SEPTIN9: variants seen among roughly 807,000 people sequenced by gnomAD.
SEPTIN9 encodes septin 9.
SEPTIN9 carries 13 observed loss-of-function variants against 56.6 expected under a neutral mutation model. That is an observed-to-expected ratio of 0.23 (90% CI 0.15 to 0.37). SEPTIN9 has a LOEUF of 0.37. Ranked by LOEUF, SEPTIN9 falls within the 10% of genes least tolerant of loss-of-function variation. The pLI, the probability that SEPTIN9 is intolerant of heterozygous loss-of-function variation, is 1.00. For synonymous variants in SEPTIN9, 332 were observed against 334.1 expected (o/e 0.99, Z 0.07); for missense variants, 650 against 823.1 (o/e 0.79, Z 2.57).
At chr17:77,287,394 C>T (rs559698924) in intron 1 of SEPTIN9, among the ~76,000 whole-genome samples, 4 of 152,344 alleles carry the variant, frequency 2.6e-5, no homozygotes, top group East Asian at 1.9e-4. Flanking sequence ...TCTACTGGAG[C>T]GGCCCTGCTG....
chr17:77,381,390 G>T (rs1435970563), intron 2 of SEPTIN9, among the ~76,000 whole-genome samples: 1 of 152,154 alleles, frequency 6.6e-6, no homozygotes, highest in Middle Eastern at 3.2e-3. Flanking sequence ...GTCCAGGCAG[G>T]ATCTCCTTCT....
intron 2 of SEPTIN9, chr17:77,373,723 G>A: frequency 2.3e-6 from 3 of 1,288,726 alleles, no homozygotes; most frequent in Non-Finnish European, 3.0e-6. Context: ...CCGGCCCCGT[G>A]CCCGCGCCGC....
At chr17:77,287,822 AG>A in intron 1 of SEPTIN9, 4 of 949,540 alleles carry the variant, frequency 4.2e-6, no homozygotes, top group Non-Finnish European at 5.1e-6. Flanking sequence ...GACTGTTGGC[AG>A]CCTGAAAACC....
At chr17:77,364,632 C>T (rs1200573619) in intron 2 of SEPTIN9, among the ~76,000 whole-genome samples, 1 of 152,190 alleles carries the variant, frequency 6.6e-6, no homozygotes, top group Non-Finnish European at 1.5e-5. Flanking sequence ...GGGGGCTTGC[C>T]AGCCCACAGT....
chr17:77,427,100 G>C (rs187573558), intron 3 of SEPTIN9: 1 of 152,358 alleles, frequency 6.6e-6, no homozygotes, highest in East Asian at 1.9e-4. Flanking sequence ...CAGAGACAGA[G>C]GTCCCTGTGC....
Position 77,373,668 on chromosome 17 carries a change from G to A in SEPTIN9, c.77-28391G>A. The A allele has an allele frequency of 2.1e-6, 3 of 1,448,294 alleles. No individual in the cohort carries two copies. In the East Asian group the frequency reaches 8.8e-5, roughly 43 times the overall value. The allele number at this position is 1,448,294 out of a possible 1,614,324, so 89.7% of individuals were successfully genotyped here. A position where few individuals can be genotyped will look rare whatever the true frequency, so the allele number is the denominator to read the frequency against. On this transcript the variant is annotated intron_variant, in intron 2 of 11. Transcript: ENST00000427177. ...GACGGGAGTGCGCTGAGGGGAGACG[G>A]GACCCCTAATCCAGGCGCCCTCCCG...
At chr17:77,457,330 T>C (rs1222485565) in intron 3 of SEPTIN9, among the ~76,000 whole-genome samples, 2 of 152,152 alleles carry the variant, frequency 1.3e-5, no homozygotes, top group African/African-American at 2.4e-5. Flanking sequence ...GCATGGACCA[T>C]GCCTCGGGAC....
At chr17:77,335,808 C>T (rs1598210613) in intron 2 of SEPTIN9, among the ~76,000 whole-genome samples, 2 of 69,862 alleles carry the variant, frequency 2.9e-5, no homozygotes, top group Admixed American at 1.3e-4. Flanking sequence ...ATATGTGGTC[C>T]TGTATTAGTA....
rs2032594975 is a variant in SEPTIN9, at chr17:77,313,688, G to C, written c.76+6491G>C. Among the ~76,000 whole-genome samples, 1 of 152,102 alleles carries C rather than the reference G, an allele frequency of 6.6e-6. No homozygotes were observed. Among genetic ancestry groups the C allele is most frequent in the Non-Finnish European group, 1.5e-5 (1 of 68,004 alleles). ...TAATTCAGGGAAGCAAACTTCAGTG[G>C]TTGAGTCTGAGGATGAGCAGGAAAT... On this transcript the variant is annotated intron_variant, in intron 2 of 11. Transcript: ENST00000427177. This position sits in a 1 kb window ranked among gnomAD's most constrained non-coding sequence, Gnocchi z 4.5.
chr17:77,304,294 C>G (rs1171395802), intron 1 of SEPTIN9, among the ~76,000 whole-genome samples: 1 of 152,174 alleles, frequency 6.6e-6, no homozygotes, highest in African/African-American at 2.4e-5. Flanking sequence ...TGCGTCTTCT[C>G]TGTGCCAAGG....
At chr17:77,281,758 A>C (rs568833294) in intron 1 of SEPTIN9, 7 of 522,420 alleles carry the variant, frequency 1.3e-5, no homozygotes, top group South Asian at 1.3e-4. Context: ...CGCTGTCTCC[A>C]GCCCTTGCTC....
chr17:77,304,550 G>C (rs1188957764), intron 1 of SEPTIN9, among the ~76,000 whole-genome samples: 2 of 152,132 alleles, frequency 1.3e-5, no homozygotes, highest in Non-Finnish European at 2.9e-5. Context: ...GGCAGGGGTG[G>C]TGTCCATCTG....
intron 3 of SEPTIN9, among the ~76,000 whole-genome samples, chr17:77,432,044 G>T (rs1217791528): frequency 6.6e-6 from 1 of 152,132 alleles, no homozygotes; most frequent in Admixed American, 6.5e-5. Context: ...CCAGCTGGGG[G>T]TGGGGGGCAG....
chr17:77,493,952 T>C (rs2040148561), intron 10 of SEPTIN9, among the ~76,000 whole-genome samples: 1 of 152,150 alleles, frequency 6.6e-6, no homozygotes, highest in Non-Finnish European at 1.5e-5. Context: ...TTTGTATTTT[T>C]AGTAGAGACA....
chr17:77,373,637 AGG>A, intron 2 of SEPTIN9: 1 of 1,505,456 alleles, frequency 6.6e-7, no homozygotes, highest in Non-Finnish European at 8.9e-7. Context: ...GGGTGCGCTG[AGG>A]GGAGACGGGA....
chr17:77,387,231 C>G (rs906027113), intron 2 of SEPTIN9, among the ~76,000 whole-genome samples: 1 of 152,242 alleles, frequency 6.6e-6, no homozygotes, highest in Non-Finnish European at 1.5e-5. Flanking sequence ...CCAGGCCTCT[C>G]TCCCAGCTTC....
intron 3 of SEPTIN9, among the ~76,000 whole-genome samples, chr17:77,478,851 C>T (rs1288171974): frequency 2.0e-5 from 3 of 151,474 alleles, no homozygotes; most frequent in Admixed American, 6.6e-5. Flanking sequence ...TTGACTCAGC[C>T]GTAAAGAGGA....
Position 77,344,319 on chromosome 17 carries a change from C to T in SEPTIN9, c.76+37122C>T, listed in dbSNP as rs926641388. On this transcript the variant is annotated intron_variant, in intron 2 of 11. Transcript: ENST00000427177. The stretch of plus-strand genomic sequence containing the variant: ...AAAGCCACAATAAAATATGATTTCA[C>T]ACCCTTTAAGGTGGCTGTTAGCCAA... Among the ~76,000 whole-genome samples the T allele has an allele frequency of 4.6e-5, 7 of 152,206 alleles. No individual in the cohort carries two copies. In the East Asian group the frequency reaches 1.2e-3, roughly 25 times the overall value.
Position 77,434,776 on chromosome 17 carries a change from C to T in SEPTIN9, c.721+32073C>T, listed in dbSNP as rs2037278260. 6.6e-6 allele frequency among the ~76,000 whole-genome samples: 1 copy of T among 152,182 alleles called. No homozygotes were observed. The highest frequency in any genetic ancestry group is 2.1e-4 in the South Asian group (1 of 4,836). On this transcript the variant is annotated intron_variant, in intron 3 of 11. Coordinates refer to ENST00000427177, the MANE Select transcript of SEPTIN9 (RefSeq NM_001113491.2). The surrounding 1 kb of genome is among the most constrained non-coding windows in gnomAD (Gnocchi z 5.0). Reference sequence around the variant, plus strand: ...AGGCAAGGACCGGTGGCTCACCCCTCTTGCACCTGGACCTTGGGTGGCAGG... The same window carrying T: ...AGGCAAGGACCGGTGGCTCACCCCTTTTGCACCTGGACCTTGGGTGGCAGG...
Sources: allele counts gnomAD v4.1 joint callset (sites outside exome capture counted in the v4.1 genomes callset), GRCh38; gene constraint gnomAD v4.1.1; non-coding constraint Gnocchi (gnomAD v3.1); transcripts MANE v1.5; gene names NCBI Gene and HGNC (gene_info 2026-07-23, HGNC 2026-07-21).